The following MAPRE1 variants were observed in gnomAD, a reference collection of about 807,000 sequenced individuals.
The protein encoded by MAPRE1 is microtubule-associated protein RP/EB family member 1.
Under a neutral mutation model 32.1 loss-of-function variants are expected in MAPRE1, and 5 were observed. The observed-to-expected ratio is 0.16, with a 90% CI of 0.08 to 0.33. MAPRE1 has a LOEUF of 0.33. Among genes scored for constraint, MAPRE1 ranks in the 10% least tolerant of loss-of-function variants. The probability of loss-of-function intolerance (pLI) is 1.00; values close to 1 mark genes in which losing one functional copy is unlikely to be tolerated. For missense variants in MAPRE1, 209 were observed against 327.2 expected (o/e 0.64, Z 2.79); for synonymous variants, 122 against 118.9 (o/e 1.03, Z -0.17).
intron 5 of MAPRE1, 112 bp downstream of exon 5, chr20:32,839,968 G>C (rs758896113): frequency 6.8e-7 from 1 of 1,461,634 alleles, no homozygotes; most frequent in Non-Finnish European, 9.4e-7. Context: ...TTGCTTGCCA[G>C]AGCATGTGAC....
chr20:32,820,311 C>T (rs949310858), intron 1 of MAPRE1, among the ~76,000 whole-genome samples: 9 of 152,054 alleles, frequency 5.9e-5, no homozygotes, highest in Non-Finnish European at 8.8e-5. Context: ...GGTCCCTGCG[C>T]TGCAGCGACT....
chr20:32,822,005 A>G (rs1187058098), intron 1 of MAPRE1, among the ~76,000 whole-genome samples: 1 of 152,058 alleles, frequency 6.6e-6, no homozygotes. Context: ...GGAGCCAATT[A>G]ATTGATTGAG....
chr20:32,845,011 GTATGTATGT>G (rs1983466785), intron 5 of MAPRE1, among the ~76,000 whole-genome samples: 3 of 134,880 alleles, frequency 2.2e-5, no homozygotes, highest in Non-Finnish European at 4.6e-5. Context: ...ATGTATGTAT[GTATGTATGT>G]ATGTATGTAT....
intron 2 of MAPRE1, 98 bp from the exon 3 acceptor site, chr20:32,833,619 C>T: frequency 2.6e-6 from 3 of 1,148,236 alleles, no homozygotes; most frequent in Non-Finnish European, 3.7e-6. Context: ...TGTAGGTCTA[C>T]TTCACAATTT....
intron 5 of MAPRE1, among the ~76,000 whole-genome samples, chr20:32,844,462 TTTTTTTTTG>T (rs1983449497): frequency 7.3e-6 from 1 of 136,296 alleles, no homozygotes; most frequent in African/African-American, 2.9e-5. Context: ...TTTTTTTTTT[TTTTTTTTTG>T]TGGCGTGATC....
chr20:32,826,072 T>C, intron 2 of MAPRE1, 24 bp downstream of exon 2: 2 of 1,567,416 alleles, frequency 1.3e-6, no homozygotes, highest in Non-Finnish European at 1.7e-6. Flanking sequence ...GCTGGATCAT[T>C]TTTCTAGGAA....
At chr20:32,839,605 T>C (rs145139695) in intron 4 of MAPRE1, 130 bp from the exon 5 acceptor site, 1 of 1,288,100 alleles carries the variant, frequency 7.8e-7, no homozygotes, top group Non-Finnish European at 1.1e-6. Flanking sequence ...GGGGGCTCTC[T>C]AGCATTGGTT....
chr20:32,825,364 T>C (rs1262536392), intron 1 of MAPRE1, among the ~76,000 whole-genome samples: 3 of 152,174 alleles, frequency 2.0e-5, no homozygotes, highest in African/African-American at 7.2e-5. Flanking sequence ...CACATTAAAA[T>C]GGGGCCTCAA....
intron 1 of MAPRE1, among the ~76,000 whole-genome samples, chr20:32,820,679 C>T (rs1982671828): frequency 6.6e-6 from 1 of 152,134 alleles, no homozygotes. Flanking sequence ...TTCCCGGGAA[C>T]AAAGATTTGC....
intron 3 of MAPRE1, among the ~76,000 whole-genome samples, chr20:32,835,369 T>TTTTTTTTTTG (rs1555847030): frequency 3.5e-5 from 5 of 141,844 alleles, no homozygotes; most frequent in Non-Finnish European, 6.0e-5. Flanking sequence ...TTGGTGTTTT[T>TTTTTTTTTTG]TTTTTTTTTT....
chr20:32,834,582 A>G (rs1478948401), intron 3 of MAPRE1, among the ~76,000 whole-genome samples: 1 of 151,914 alleles, frequency 6.6e-6, no homozygotes, highest in Non-Finnish European at 1.5e-5. Context: ...TAACACCCCC[A>G]ATTATCTTGC....
intron 4 of MAPRE1, among the ~76,000 whole-genome samples, chr20:32,837,816 C>T (rs1428415548): frequency 6.6e-6 from 1 of 152,224 alleles, no homozygotes; most frequent in Non-Finnish European, 1.5e-5. Context: ...GGCGCAGTGG[C>T]TCATGCCTGT....
chr20:32,839,824 G>T lies in MAPRE1; in HGVS notation c.565G>T (p.Gly189Ter). The T allele has an allele frequency of 6.2e-7, 1 of 1,614,192 alleles. No homozygotes were observed. Among genetic ancestry groups the T allele is most frequent in the Non-Finnish European group, 8.5e-7 (1 of 1,180,030 alleles). The change falls in exon 5 of 7, where the codon GGA becomes TGA. Residue 189 changes from glycine to a stop codon, truncating the protein, a stop_gained. Transcript: ENST00000375571. LOFTEE classifies it high-confidence loss of function. ...VVRKNPGVGNGDDEAAELMQQ... is the reference protein window; with the variant it reads ...VVRKNPGVGN ...GCGAAAGAACCCTGGTGTGGGCAAC[G>T]GAGACGACGAGGCAGCTGAGTTGAT...
intron 4 of MAPRE1, among the ~76,000 whole-genome samples, chr20:32,838,109 T>G (rs925109314): frequency 1.3e-5 from 2 of 152,042 alleles, no homozygotes; most frequent in African/African-American, 4.8e-5. Flanking sequence ...AGAAACCTTG[T>G]ACATAGTTAA....
chr20:32,836,969 C>T, intron 4 of MAPRE1, 128 bp downstream of exon 4: 2 of 851,984 alleles, frequency 2.3e-6, no homozygotes, highest in South Asian at 3.8e-5. Context: ...GGCATGTGGC[C>T]AGAGTATGGA....
chr20:32,832,486 A>C (rs1423725883), intron 2 of MAPRE1, among the ~76,000 whole-genome samples: 1 of 110,662 alleles, frequency 9.0e-6, no homozygotes, highest in Non-Finnish European at 1.8e-5. Context: ...TTTTTTTTTG[A>C]GACGAGGTCT....
chr20:32,839,985 G>T, intron 5 of MAPRE1, 129 bp downstream of exon 5: 1 of 1,303,942 alleles, frequency 7.7e-7, no homozygotes, highest in Non-Finnish European at 1.1e-6. Flanking sequence ...TGACACGTGT[G>T]AGCCTCAGGT....
At chr20:32,832,024 A>G (rs1983044215) in intron 2 of MAPRE1, among the ~76,000 whole-genome samples, 1 of 151,988 alleles carries the variant, frequency 6.6e-6, no homozygotes, top group African/African-American at 2.4e-5. Context: ...CACCTCAGAA[A>G]TCAAGGCCTT....
In MAPRE1 at chr20:32,849,755, G is replaced by A. The variant is rs1424428354; in HGVS notation, c.*1027G>A. Reference sequence around the variant, plus strand: ...AAGTTCTTTCTGGACCTCTGGCAAAGGGAGTGGTCAGTGAAGGCCATCGTT... The same window carrying A: ...AAGTTCTTTCTGGACCTCTGGCAAAAGGAGTGGTCAGTGAAGGCCATCGTT... On this transcript the variant is annotated 3_prime_UTR_variant, in exon 7 of 7. Coordinates refer to ENST00000375571, the MANE Select transcript of MAPRE1 (RefSeq NM_012325.3). The A allele has an allele frequency of 6.6e-6, 1 of 152,660 alleles. No individual in the cohort carries two copies. The highest frequency in any genetic ancestry group is 1.5e-5 in the Non-Finnish European group (1 of 68,058). 9.5% of individuals were successfully genotyped at this position (152,660 alleles called of 1,614,324 possible).
Sources: gnomAD v4.1 joint callset for allele counts (sites outside exome capture counted in the v4.1 genomes callset) on GRCh38, gnomAD v4.1.1 for gene constraint, MANE v1.5 for transcripts, NCBI Gene and HGNC (gene_info 2026-07-23, HGNC 2026-07-21) for gene names.